The following DPY19L3 variants were observed in gnomAD, a reference collection of about 807,000 sequenced individuals.
DPY19L3 encodes dpy-19 like C-mannosyltransferase 3, also known as protein C-mannosyl-transferase DPY19L3.
Under a neutral mutation model 92.3 loss-of-function variants are expected in DPY19L3, and 51 were observed. That is an observed-to-expected ratio of 0.55 (90% CI 0.44 to 0.70). The LOEUF (loss-of-function observed/expected upper bound fraction) is 0.70, where lower values mean the gene tolerates loss of function less well. DPY19L3 is among the 30% of genes least tolerant of loss of function. The pLI, the probability that DPY19L3 is intolerant of heterozygous loss-of-function variation, is 0.00. For synonymous variants in DPY19L3, 309 were observed against 315.2 expected (o/e 0.98, Z 0.21); for missense variants, 706 against 855.9 (o/e 0.82, Z 2.18).
At chr19:32,469,740 C>G (rs1263432423) in intron 16 of DPY19L3, among the ~76,000 whole-genome samples, 1 of 152,080 alleles carries the variant, frequency 6.6e-6, no homozygotes, top group Non-Finnish European at 1.5e-5. Context: ...GTTGTTTTGC[C>G]TCAGCATTCA....
chr19:32,462,015 T>G (rs1457387240), intron 12 of DPY19L3, among the ~76,000 whole-genome samples: 1 of 152,286 alleles, frequency 6.6e-6, no homozygotes, highest in Non-Finnish European at 1.5e-5. Flanking sequence ...TATACTATGT[T>G]TTTTTCCTAT....
At chr19:32,416,583 A>G (rs758489594) in intron 3 of DPY19L3, among the ~76,000 whole-genome samples, 7 of 152,254 alleles carry the variant, frequency 4.6e-5, no homozygotes, top group Non-Finnish European at 8.8e-5. Flanking sequence ...GGGAAGTGCT[A>G]TATTATGACT....
At chr19:32,425,529 T>C (rs1214805582) in intron 3 of DPY19L3, among the ~76,000 whole-genome samples, 1 of 150,448 alleles carries the variant, frequency 6.6e-6, no homozygotes, top group Non-Finnish European at 1.5e-5. Context: ...CCATCGTGGG[T>C]AACAGAGCGA....
At position 32,467,352 on chromosome 19, in the gene DPY19L3, G is replaced by A. The variant is rs1265044746; in HGVS notation, c.1615-1379G>A. The A allele has an allele frequency of 8.0e-6, 6 of 751,170 alleles. No individual in the cohort carries two copies. The African/African-American group carries it at 9.6e-5, about 12-fold the overall frequency. The allele number at this position is 751,170 out of a possible 1,614,324, so 46.5% of individuals were successfully genotyped here. ...ATATGTTTATACTGTAAGAATTAGA[G>A]CATTTCATTAAAAAGTTGGTATTCT... is the stretch of plus-strand genomic sequence containing the variant. On this transcript the variant is annotated intron_variant, in intron 15 of 18. Coordinates refer to ENST00000392250, the MANE Select transcript of DPY19L3 (RefSeq NM_001172774.2).
chr19:32,466,364 A>T (rs1311798666), intron 15 of DPY19L3, among the ~76,000 whole-genome samples: 1 of 152,172 alleles, frequency 6.6e-6, no homozygotes, highest in Non-Finnish European at 1.5e-5. Flanking sequence ...GCATTTAACC[A>T]GCCCCCCAGT....
intron 16 of DPY19L3, among the ~76,000 whole-genome samples, chr19:32,474,042 A>G (rs745971626): frequency 1.1e-4 from 16 of 152,104 alleles, no homozygotes; most frequent in African/African-American, 3.1e-4. Context: ...ACCTCAAGCA[A>G]TCTACCCACC....
intron 16 of DPY19L3, among the ~76,000 whole-genome samples, chr19:32,471,671 G>A (rs555431110): frequency 5.1e-4 from 77 of 152,280 alleles, no homozygotes; most frequent in Non-Finnish European, 8.8e-4. Flanking sequence ...CAGGGCTTCC[G>A]CTTGGAGATT....
chr19:32,454,018 C>T (rs1406034013), intron 9 of DPY19L3, among the ~76,000 whole-genome samples: 1 of 151,998 alleles, frequency 6.6e-6, no homozygotes, highest in Non-Finnish European at 1.5e-5. Flanking sequence ...TCTTATTAGT[C>T]TTTTGAGTGA....
chr19:32,447,816 T>TTAGATTAGA (rs1555721983), intron 8 of DPY19L3, among the ~76,000 whole-genome samples: 2 of 89,834 alleles, frequency 2.2e-5, no homozygotes, highest in Non-Finnish European at 4.6e-5. Flanking sequence ...GATAGATAGA[T>TTAGATTAGA]TAGATAGATA....
intron 17 of DPY19L3, among the ~76,000 whole-genome samples, chr19:32,478,110 C>G (rs938873403): frequency 1.3e-5 from 2 of 152,170 alleles, no homozygotes; most frequent in East Asian, 3.9e-4. Flanking sequence ...GGTGGGGACA[C>G]AGCCAAACCA....
chr19:32,423,309 G>A (rs1968637697), intron 3 of DPY19L3, among the ~76,000 whole-genome samples: 1 of 151,770 alleles, frequency 6.6e-6, no homozygotes, highest in African/African-American at 2.4e-5. Context: ...CGTGATCTTG[G>A]CTCACTGCAA....
At chr19:32,437,889 G>A (rs576063765) in intron 6 of DPY19L3, among the ~76,000 whole-genome samples, 40 of 152,052 alleles carry the variant, frequency 2.6e-4, no homozygotes, top group African/African-American at 9.4e-4. Context: ...GCCCAGGCTG[G>A]TCTTGAACTC....
In DPY19L3 at chr19:32,419,988, T is replaced by C. The variant is rs1270042902; in HGVS notation, c.237+8616T>C. ...GGTTCTCCTGCCTCAGCCTCCCGAGTAACTGGGATTACAGGCAGGCACCAC... is the reference window on the plus strand; with the variant it reads ...GGTTCTCCTGCCTCAGCCTCCCGAGCAACTGGGATTACAGGCAGGCACCAC... On this transcript the variant is annotated intron_variant, in intron 3 of 18. Coordinates refer to ENST00000392250, the MANE Select transcript of DPY19L3 (RefSeq NM_001172774.2). 9.3e-5 allele frequency among the ~76,000 whole-genome samples: 14 copies of C among 150,390 alleles called. 1 individual carries two copies. In the Admixed American group the frequency reaches 9.3e-4, roughly 10 times the overall value.
rs1406801147 is a variant in DPY19L3 at position 32,482,484 on chromosome 19, A to C, written c.*244A>C. On this transcript the variant is annotated 3_prime_UTR_variant, in exon 19 of 19. Coordinates refer to ENST00000392250, the MANE Select transcript of DPY19L3 (RefSeq NM_001172774.2). ...TAGCCTAAATGTTAACAACTTTCTA[A>C]GAGTGACCTAGAATTATGTTGTTGG... The C allele has an allele frequency of 7.2e-6, 3 of 415,622 alleles. No individual in the cohort carries two copies. The highest frequency in any genetic ancestry group is 6.1e-5 in the African/African-American group (3 of 48,892). The allele number at this position is 415,622 out of a possible 1,614,324, so 25.7% of individuals were successfully genotyped here.
rs191444923 is a variant in DPY19L3, at chr19:32,452,127, C to G, written c.856-1018C>G. Among the ~76,000 whole-genome samples, 425 of 152,310 alleles carry G rather than the reference C, an allele frequency of 2.8e-3. 1 individual carries two copies. The highest frequency in any genetic ancestry group is 4.6e-3 in the Non-Finnish European group (316 of 68,020). ...AGGCATTAGCCACCGTGCTTGGCCACCAGGCATTTTCATCCATTACCATGT... is the reference window on the plus strand; with the variant it reads ...AGGCATTAGCCACCGTGCTTGGCCAGCAGGCATTTTCATCCATTACCATGT... On this transcript the variant is annotated intron_variant, in intron 8 of 18. Transcript: ENST00000392250.
intron 16 of DPY19L3, among the ~76,000 whole-genome samples, chr19:32,471,026 C>T (rs1169214548): frequency 6.6e-6 from 1 of 152,172 alleles, no homozygotes; most frequent in East Asian, 1.9e-4. Context: ...CTCAAATCCA[C>T]ACTGGCCTGT....
At chr19:32,409,000 C>T (rs1292408016) in intron 2 of DPY19L3, among the ~76,000 whole-genome samples, 2 of 152,140 alleles carry the variant, frequency 1.3e-5, no homozygotes, top group Admixed American at 6.6e-5. Context: ...TTTTGGATAT[C>T]TGACAGAATT....
intron 8 of DPY19L3, among the ~76,000 whole-genome samples, chr19:32,444,306 G>A (rs568211153): frequency 9.9e-5 from 15 of 152,178 alleles, no homozygotes; most frequent in Non-Finnish European, 1.9e-4. Flanking sequence ...TCCAGTAATC[G>A]AAGTTTAAAA....
At chr19:32,476,868 T>C (rs1029954278) in intron 16 of DPY19L3, among the ~76,000 whole-genome samples, 6 of 152,312 alleles carry the variant, frequency 3.9e-5, no homozygotes, top group Admixed American at 3.3e-4. Flanking sequence ...TTCAGAATCT[T>C]GTTTCCATGT....
Sources: allele counts gnomAD v4.1 joint callset (sites outside exome capture counted in the v4.1 genomes callset), GRCh38; gene constraint gnomAD v4.1.1; transcripts MANE v1.5; gene names NCBI Gene and HGNC (gene_info 2026-07-23, HGNC 2026-07-21).